The following TRPM6 variants were observed in gnomAD, a reference collection of about 807,000 sequenced individuals.
TRPM6 encodes transient receptor potential cation channel subfamily M member 6.
Under a neutral mutation model 247.6 loss-of-function variants are expected in TRPM6, and 111 were observed. The observed-to-expected ratio is 0.45, with a 90% CI of 0.38 to 0.52. The LOEUF is 0.52. Among genes scored for constraint, TRPM6 ranks in the 20% least tolerant of loss-of-function variants. The probability of loss-of-function intolerance (pLI) is 0.00; values close to 1 mark genes in which losing one functional copy is unlikely to be tolerated. For synonymous variants in TRPM6, 892 were observed against 853.8 expected, an observed-to-expected ratio of 1.04 and a Z score of -0.78; for missense variants, 2,126 against 2,421.5, an observed-to-expected ratio of 0.88 and a Z score of 2.56.
At chr9:74,832,184 T>C (rs1364704451) in intron 6 of TRPM6, among the ~76,000 whole-genome samples, 2 of 152,008 alleles carry the variant, frequency 1.3e-5, no homozygotes, top group Admixed American at 1.3e-4. Context: ...CTACAAAAGA[T>C]TAAATCTGGA....
intron 30 of TRPM6, among the ~76,000 whole-genome samples, chr9:74,749,390 A>G (rs938946187): frequency 1.3e-5 from 2 of 152,222 alleles, no homozygotes; most frequent in Non-Finnish European, 2.9e-5. Flanking sequence ...AAGCTAATTG[A>G]AAAGCAGTTG....
At position 74,761,802 on chromosome 9, in the gene TRPM6, G is replaced by A. The variant is rs775478371; in HGVS notation, c.4679C>T (p.Ser1560Leu). ...TCCCTGCCCTATTTCTGAAGAGCCT[G>A]AAAGATCTGCAAGGAAATGGTCTAC... ...LMKICKIKNL[S>L]GSSEIGQGAW... is the part of the protein sequence containing the mutation. The change falls in exon 27 of 39, where the codon TCA (serine) becomes TTA (leucine). Residue 1560 changes from serine (S) to leucine (L), a missense_variant. By Grantham distance (145) the Ser-to-Leu change is moderately radical. Coordinates refer to ENST00000360774, the MANE Select transcript of TRPM6 (RefSeq NM_017662.5). 4 of 1,611,170 alleles carry A rather than the reference G, an allele frequency of 2.5e-6. No homozygotes were observed. The African/African-American group carries it at 4.0e-5, about 16-fold the overall frequency.
At chr9:74,865,299 A>T (rs1830812882) in intron 1 of TRPM6, among the ~76,000 whole-genome samples, 1 of 152,220 alleles carries the variant, frequency 6.6e-6, no homozygotes, top group Non-Finnish European at 1.5e-5. Context: ...TTCAGCCCCA[A>T]AACCCAATTT....
At chr9:74,817,514 A>G (rs1828978007) in intron 9 of TRPM6, among the ~76,000 whole-genome samples, 1 of 152,124 alleles carries the variant, frequency 6.6e-6, no homozygotes, top group African/African-American at 2.4e-5. Flanking sequence ...CGAGAAATGA[A>G]TCCTCAAGGG....
Position 74,827,798 on chromosome 9 carries a change from G to C in TRPM6, c.821C>G (p.Ser274Cys). The C allele has an allele frequency of 6.2e-7, 1 of 1,614,120 alleles. No individual in the cohort carries two copies. Among genetic ancestry groups the C allele is most frequent in the Non-Finnish European group, 8.5e-7 (1 of 1,180,018 alleles). Residue 274 changes from serine to cysteine, a missense_variant, in exon 7 of 39, where the codon TCT becomes TGT. Physicochemically the swap from Ser to Cys is moderately radical, Grantham distance 112 (BLOSUM62 -1). Around this residue, in one of 3 missense-constraint regions of TRPM6, gnomAD observed 1,082 missense variants for 1,307.9 expected, o/e 0.83. Coordinates refer to ENST00000360774, the MANE Select transcript of TRPM6 (RefSeq NM_017662.5). ...CTCACGGCAGTGTATTTTCTGCAGA[G>C]AGAGGTACTTCTCCAGGTTCCTTCT... ...KLRRNLEKYLSLQKIHCRSRQ... is the reference protein window; with the variant it reads ...KLRRNLEKYLCLQKIHCRSRQ...
intron 20 of TRPM6, among the ~76,000 whole-genome samples, chr9:74,786,921 G>A (rs1161875386): frequency 2.6e-5 from 4 of 152,088 alleles, no homozygotes; most frequent in East Asian, 1.9e-4. Context: ...ATATTGGGCC[G>A]GGTGCAGTGG....
At chr9:74,882,371 A>T (rs879174218) in intron 1 of TRPM6, among the ~76,000 whole-genome samples, 1 of 152,216 alleles carries the variant, frequency 6.6e-6, no homozygotes, top group Non-Finnish European at 1.5e-5. Context: ...ACAGGGGACT[A>T]ATATCCAGAA....
At chr9:74,764,050 T>A (rs1826743889) in intron 25 of TRPM6, among the ~76,000 whole-genome samples, 1 of 149,854 alleles carries the variant, frequency 6.7e-6, no homozygotes. Flanking sequence ...CTCAGGAGAC[T>A]GACGCGGAGG....
chr9:74,867,561 G>A (rs1830886721), intron 1 of TRPM6, among the ~76,000 whole-genome samples: 1 of 152,138 alleles, frequency 6.6e-6, no homozygotes, highest in South Asian at 2.1e-4. Context: ...AAATCTTCAT[G>A]TACTGTATTT....
chr9:74,858,869 A>G, intron 1 of TRPM6, 121 bp from the exon 2 acceptor site: 2 of 748,780 alleles, frequency 2.7e-6, no homozygotes, highest in East Asian at 2.8e-5. Context: ...GCCAAGACCA[A>G]CCCCACACAG....
intron 36 of TRPM6, among the ~76,000 whole-genome samples, chr9:74,733,151 G>A (rs1023711439): frequency 2.7e-4 from 41 of 151,090 alleles, no homozygotes; most frequent in African/African-American, 8.3e-4. Flanking sequence ...GCAGTGAGCC[G>A]AGATCACGCC....
At chr9:74,845,414 C>A (rs773728259) in intron 3 of TRPM6, among the ~76,000 whole-genome samples, 18 of 151,988 alleles carry the variant, frequency 1.2e-4, no homozygotes, top group Non-Finnish European at 2.5e-4. Flanking sequence ...AGTGGACAAA[C>A]AAAATGTGGT....
chr9:74,820,272 A>C, intron 9 of TRPM6, 32 bp downstream of exon 9: 1 of 1,609,494 alleles, frequency 6.2e-7, no homozygotes, highest in Non-Finnish European at 8.5e-7. Context: ...GCAGTTCTTA[A>C]GTCAGTTGAA....
intron 14 of TRPM6, chr9:74,804,580 C>T (rs1476145646): frequency 2.7e-6 from 2 of 746,140 alleles, no homozygotes; most frequent in African/African-American, 1.7e-5. Flanking sequence ...GGTGAATGGA[C>T]TGCTTCAGCT....
intron 18 of TRPM6, among the ~76,000 whole-genome samples, chr9:74,796,168 T>G (rs1828089786): frequency 6.6e-6 from 1 of 152,250 alleles, no homozygotes. Flanking sequence ...TAATAATTAC[T>G]GCTTAAGTTA....
At chr9:74,814,089 T>G (rs1333956890) in intron 11 of TRPM6, among the ~76,000 whole-genome samples, 2 of 152,142 alleles carry the variant, frequency 1.3e-5, no homozygotes, top group East Asian at 3.9e-4. Context: ...AGAGTGAGAC[T>G]CCATCTCAAA....
chr9:74,861,366 T>A (rs1830685710), intron 1 of TRPM6, among the ~76,000 whole-genome samples: 1 of 152,216 alleles, frequency 6.6e-6, no homozygotes, highest in African/African-American at 2.4e-5. Context: ...ACTGATATCA[T>A]TAAACTTTAT....
At chr9:74,787,207 C>T (rs900675584) in intron 20 of TRPM6, among the ~76,000 whole-genome samples, 1 of 151,900 alleles carries the variant, frequency 6.6e-6, no homozygotes, top group African/African-American at 2.4e-5. Flanking sequence ...TGGTGGCAGG[C>T]ACCTGTAATC....
rs561817694 is a variant in TRPM6, at chr9:74,812,498, A to T, written c.1309-65T>A. 5.4e-6 allele frequency: 8 copies of T among 1,488,166 alleles called. No individual in the cohort carries two copies. The African/African-American group carries it at 5.6e-5, about 10-fold the overall frequency. 92.2% of individuals were successfully genotyped at this position (1,488,166 alleles called of 1,614,324 possible). On this transcript the variant is annotated intron_variant, in intron 11 of 38. Transcript: ENST00000360774. ...AAAGTAGAAATAACTAAAGAATTAC[A>T]TGTTTTTGAACTCAAAATTACACAA... is the stretch of plus-strand genomic sequence containing the variant.
Sources: gnomAD v4.1 joint callset for allele counts (sites outside exome capture counted in the v4.1 genomes callset) on GRCh38, gnomAD v4.1.1 for gene constraint, gnomAD v4.1.1 regional missense constraint, MANE v1.5 for transcripts, NCBI Gene and HGNC (gene_info 2026-07-23, HGNC 2026-07-21) for gene names.